Variants in SVIL observed in about 807,000 individuals in gnomAD.
SVIL encodes the protein archvillin.
SVIL carries 101 observed loss-of-function variants against 240.4 expected under a neutral mutation model. The observed-to-expected ratio is 0.42, with a 90% CI of 0.36 to 0.50. The LOEUF (loss-of-function observed/expected upper bound fraction) is 0.50, where lower values mean the gene tolerates loss of function less well. Among genes scored for constraint, SVIL ranks in the 20% least tolerant of loss-of-function variants. The probability of loss-of-function intolerance (pLI) is 0.01; values close to 1 mark genes in which losing one functional copy is unlikely to be tolerated. For synonymous variants in SVIL, 999 were observed against 1,100.0 expected (o/e 0.91, Z 1.82); for missense variants, 2,512 against 2,818.7 (o/e 0.89, Z 2.46).
chr10:29,467,028 CAG>C (rs200322672), intron 33 of SVIL, among the ~76,000 whole-genome samples: 6,708 of 152,200 alleles, frequency 0.044, 168 homozygotes, highest in Middle Eastern at 0.058. Context: ...GTAAAAATGG[CAG>C]AGTGTTGGGT....
chr10:29,482,942 A>G (rs1395881296), intron 27 of SVIL: 2 of 152,222 alleles, frequency 1.3e-5, no homozygotes, highest in African/African-American at 4.8e-5. Context: ...CTGCTTGGTC[A>G]AGACCACAGC....
intron 2 of SVIL, among the ~76,000 whole-genome samples, chr10:29,659,222 A>G (rs950481226): frequency 6.6e-6 from 1 of 152,202 alleles, no homozygotes; most frequent in East Asian, 1.9e-4. Flanking sequence ...GAGGTCCCCA[A>G]CACAGAAGGC....
intron 17 of SVIL, among the ~76,000 whole-genome samples, chr10:29,507,402 C>A (rs56128413): frequency 0.44 from 67,623 of 151,994 alleles, 15,682 homozygotes; most frequent in African/African-American, 0.55. Flanking sequence ...TAATGCCATC[C>A]AGTCCACCTG....
At chr10:29,480,408 C>T (rs1170489055) in intron 29 of SVIL, 129 bp downstream of exon 29, 40 of 1,182,590 alleles carry the variant, frequency 3.4e-5, no homozygotes, top group Non-Finnish European at 4.7e-5. Flanking sequence ...CTCTCAAAGG[C>T]GCATGACTGC....
intron 1 of SVIL, among the ~76,000 whole-genome samples, chr10:29,689,174 A>G (rs1272045213): frequency 6.6e-6 from 1 of 152,224 alleles, no homozygotes; most frequent in Non-Finnish European, 1.5e-5. Flanking sequence ...TTCTTTTCAC[A>G]GATAAGTAAA....
rs899154865 is a variant in SVIL at position 29,533,106 on chromosome 10, G to A, written c.1261C>T (p.His421Tyr). 6.2e-7 allele frequency: 1 copy of A among 1,614,048 alleles called. No homozygotes were observed. Among genetic ancestry groups the A allele is most frequent in the Non-Finnish European group, 8.5e-7 (1 of 1,179,986 alleles). The change falls in exon 8 of 38, where the codon CAT becomes TAT. Residue 421 changes from histidine (H) to tyrosine (Y), a missense_variant. Physicochemically the swap from His to Tyr is moderately conservative, Grantham distance 83 (BLOSUM62 2). Around this residue, in one of 3 missense-constraint regions of SVIL, gnomAD observed 1,443 missense variants for 1,486.6 expected, o/e 0.97. Transcript: ENST00000355867. ...EGDGRDSPVL[H>Y]VCESKAEEEE... ...TCTTCTGCTTTTGACTCGCAGACATGGAGAACTGGGCTATCCCTTCCGTCA... is the reference window on the plus strand; with the variant it reads ...TCTTCTGCTTTTGACTCGCAGACATAGAGAACTGGGCTATCCCTTCCGTCA...
At chr10:29,718,255 G>A (rs1253161232) in intron 1 of SVIL, among the ~76,000 whole-genome samples, 1 of 151,938 alleles carries the variant, frequency 6.6e-6, no homozygotes, top group African/African-American at 2.4e-5. Flanking sequence ...GAACCCAGGA[G>A]GTGGAGGTTG....
At chr10:29,601,643 A>G (rs907280220) in intron 1 of SVIL, among the ~76,000 whole-genome samples, 6 of 152,228 alleles carry the variant, frequency 3.9e-5, no homozygotes, top group African/African-American at 1.4e-4. Flanking sequence ...CAGCCTGGAG[A>G]GTAAGAGCCT....
intron 3 of SVIL, among the ~76,000 whole-genome samples, chr10:29,648,671 G>A (rs1237832941): frequency 2.0e-5 from 3 of 152,130 alleles, no homozygotes; most frequent in Non-Finnish European, 4.4e-5. Flanking sequence ...CCTTTAGCAC[G>A]GCCCTGTGGC....
chr10:29,554,717 G>A (rs1393993046), intron 5 of SVIL, 66 bp downstream of exon 5: 12 of 1,447,624 alleles, frequency 8.3e-6, no homozygotes, highest in Non-Finnish European at 1.1e-5. Context: ...ACCACTGGGT[G>A]GAAAGGGCAA....
intron 32 of SVIL, 68 bp downstream of exon 32, chr10:29,470,208 C>T: frequency 6.4e-7 from 1 of 1,574,664 alleles, no homozygotes; most frequent in Non-Finnish European, 8.7e-7. Flanking sequence ...TCTTGGTACC[C>T]CTGAGCCTGC....
At chr10:29,469,738 G>C (rs1002263061) in intron 32 of SVIL, among the ~76,000 whole-genome samples, 4 of 152,210 alleles carry the variant, frequency 2.6e-5, no homozygotes, top group African/African-American at 9.6e-5. Flanking sequence ...CTGCCTGGGA[G>C]GGGAACAAAA....
In SVIL at chr10:29,524,328, G is replaced by T. The variant is rs1784924221; in HGVS notation, c.2586+144C>A. 3.0e-6 allele frequency: 4 copies of T among 1,323,544 alleles called. No homozygotes were observed. The Admixed American group carries it at 9.7e-5, about 32-fold the overall frequency. The allele number at this position is 1,323,544 out of a possible 1,614,324, so 82.0% of individuals were successfully genotyped here. A position where few individuals can be genotyped will look rare whatever the true frequency, so the allele number is the denominator to read the frequency against. On this transcript the variant is annotated intron_variant, in intron 14 of 37. Coordinates refer to ENST00000355867, the MANE Select transcript of SVIL (RefSeq NM_021738.3). ...TACTTGGTAGAATTCTCATTTTTAG[G>T]AAGAAAGCTATTACCAAATCACCTA...
intron 1 of SVIL, among the ~76,000 whole-genome samples, chr10:29,590,132 C>T (rs1274447483): frequency 7.3e-6 from 1 of 136,530 alleles, no homozygotes; most frequent in African/African-American, 2.8e-5. Context: ...CGCCACTGCT[C>T]TCCAGCCTTG....
chr10:29,636,720 C>T (rs1406883055), upstream of SVIL, among the ~76,000 whole-genome samples: 1 of 152,190 alleles, frequency 6.6e-6, no homozygotes, highest in Non-Finnish European at 1.5e-5. Context: ...AATCAACACA[C>T]AAAAGATGTC....
chr10:29,571,811 T>C (rs530812468), intron 1 of SVIL, among the ~76,000 whole-genome samples: 7 of 152,310 alleles, frequency 4.6e-5, no homozygotes, highest in Non-Finnish European at 7.4e-5. Context: ...ATGGTCTCAT[T>C]TGCAAGCTAA....
At chr10:29,460,605 T>A (rs1216233843) in intron 36 of SVIL, among the ~76,000 whole-genome samples, 4 of 152,146 alleles carry the variant, frequency 2.6e-5, no homozygotes, top group Non-Finnish European at 5.9e-5. Context: ...AAACCAACCA[T>A]CAGGCATCTC....
At chr10:29,593,799 C>A (rs537229008) in intron 1 of SVIL, among the ~76,000 whole-genome samples, 1 of 152,278 alleles carries the variant, frequency 6.6e-6, no homozygotes, top group South Asian at 2.1e-4. Context: ...AAATGGACTG[C>A]GCCCAAGCCC....
chr10:29,557,159 G>C (rs370368223), intron 3 of SVIL, among the ~76,000 whole-genome samples: 30 of 151,488 alleles, frequency 2.0e-4, no homozygotes, highest in African/African-American at 6.8e-4. Context: ...GTAGAGGCAC[G>C]ATCTCGACTC....
Sources: gnomAD v4.1 joint callset for allele counts (sites outside exome capture counted in the v4.1 genomes callset) on GRCh38, gnomAD v4.1.1 for gene constraint, gnomAD v4.1.1 regional missense constraint, MANE v1.5 for transcripts, NCBI Gene and HGNC (gene_info 2026-07-23, HGNC 2026-07-21) for gene names.